Variants in ELMO1 observed in about 807,000 individuals in gnomAD.
The protein encoded by ELMO1 is engulfment and cell motility protein 1.
A neutral mutation model predicts 98.9 loss-of-function variants in ELMO1; 26 were observed. The observed-to-expected ratio is 0.26, with a 90% CI of 0.19 to 0.36. The LOEUF (loss-of-function observed/expected upper bound fraction) is 0.36, where lower values mean the gene tolerates loss of function less well. ELMO1 is among the 10% of genes least tolerant of loss of function. ELMO1 has a pLI of 1.00. For synonymous variants in ELMO1, 346 were observed against 346.0 expected (o/e 1.00, Z 0.00); for missense variants, 627 against 935.2 (o/e 0.67, Z 4.30).
intron 14 of ELMO1, among the ~76,000 whole-genome samples, chr7:37,107,112 C>T (rs560254932): frequency 2.8e-4 from 42 of 152,244 alleles, no homozygotes; most frequent in African/African-American, 1.0e-3. Context: ...TATTTTTAAG[C>T]AATTATTGCT....
At chr7:37,004,087 C>T (rs778237964) in intron 16 of ELMO1, among the ~76,000 whole-genome samples, 1 of 152,052 alleles carries the variant, frequency 6.6e-6, no homozygotes, top group Non-Finnish European at 1.5e-5. Flanking sequence ...ATCAATGAGG[C>T]CTTGTATTTC....
chr7:37,030,418 C>T (rs899876412), intron 15 of ELMO1, among the ~76,000 whole-genome samples: 1 of 148,696 alleles, frequency 6.7e-6, no homozygotes, highest in Non-Finnish European at 1.5e-5. Context: ...CTTGCCAATT[C>T]TCTAAAACAA....
Position 36,855,877 on chromosome 7 carries a change from T to C in ELMO1, c.1984-126A>G, listed in dbSNP as rs1382192257. ...TGCGCTAAGGGCTCTGCCTACTTCG[T>C]CATTTCATATTTGGCGACATCTCAA... On this transcript the variant is annotated intron_variant, in intron 21 of 21. Transcript: ENST00000310758. This position sits in a 1 kb window ranked among gnomAD's most constrained non-coding sequence, Gnocchi z 4.2. 1 of 1,067,598 alleles carries C rather than the reference T, an allele frequency of 9.4e-7. No individual in the cohort carries two copies. Among genetic ancestry groups the C allele is most frequent in the Non-Finnish European group, 1.4e-6 (1 of 730,104 alleles). The allele number at this position is 1,067,598 out of a possible 1,614,324, so 66.1% of individuals were successfully genotyped here.
chr7:37,418,491 C>G (rs993917331), intron 1 of ELMO1, among the ~76,000 whole-genome samples: 1 of 152,130 alleles, frequency 6.6e-6, no homozygotes, highest in Non-Finnish European at 1.5e-5. Context: ...AGGTAAGGCC[C>G]GTAGGGAGAT....
At chr7:36,936,681 T>A (rs1584400788) in intron 16 of ELMO1, among the ~76,000 whole-genome samples, 1 of 152,280 alleles carries the variant, frequency 6.6e-6, no homozygotes, top group Non-Finnish European at 1.5e-5. Context: ...CTCAAACTCC[T>A]GGCCTCAAGC....
intron 4 of ELMO1, among the ~76,000 whole-genome samples, chr7:37,278,769 G>A (rs1796986537): frequency 6.6e-6 from 1 of 152,194 alleles, no homozygotes; most frequent in African/African-American, 2.4e-5. Context: ...CTGACAAAGT[G>A]TTTCATGCTG....
intron 20 of ELMO1, among the ~76,000 whole-genome samples, chr7:36,868,013 T>G (rs1307601707): frequency 6.6e-6 from 1 of 152,212 alleles, no homozygotes; most frequent in Non-Finnish European, 1.5e-5. Flanking sequence ...TAATGTCAAT[T>G]AGATCAAGCT....
chr7:37,018,347 A>T (rs1794070707), intron 15 of ELMO1, among the ~76,000 whole-genome samples: 2 of 151,986 alleles, frequency 1.3e-5, no homozygotes, highest in African/African-American at 4.8e-5. Flanking sequence ...GCTGGTCTTG[A>T]ACTCCTGACC....
intron 13 of ELMO1, among the ~76,000 whole-genome samples, chr7:37,163,231 A>G (rs1456329858): frequency 6.6e-6 from 1 of 152,132 alleles, no homozygotes; most frequent in Non-Finnish European, 1.5e-5. Context: ...CAAATGTTTG[A>G]GTTATTATGG....
intron 13 of ELMO1, among the ~76,000 whole-genome samples, chr7:37,138,885 T>C (rs577708616): frequency 6.6e-6 from 1 of 152,310 alleles, no homozygotes; most frequent in African/African-American, 2.4e-5. Flanking sequence ...CATGATCAAG[T>C]GGGTTTCATA....
chr7:36,882,752 G>A (rs1249256157), intron 18 of ELMO1, among the ~76,000 whole-genome samples: 1 of 152,174 alleles, frequency 6.6e-6, no homozygotes, highest in Non-Finnish European at 1.5e-5. Context: ...CACACATAAA[G>A]TATGGATCCT....
At chr7:37,205,350 A>G (rs977370405) in intron 13 of ELMO1, among the ~76,000 whole-genome samples, 9 of 152,338 alleles carry the variant, frequency 5.9e-5, no homozygotes, top group South Asian at 2.1e-4. Flanking sequence ...CAGTGAATAT[A>G]TAACCTTCTT....
At chr7:37,340,084 T>A (rs1800635385) in intron 2 of ELMO1, among the ~76,000 whole-genome samples, 1 of 152,192 alleles carries the variant, frequency 6.6e-6, no homozygotes, top group South Asian at 2.1e-4. Flanking sequence ...ACATAGTACA[T>A]GATCCTGGAC....
chr7:37,081,758 G>A (rs1562988412), intron 15 of ELMO1, among the ~76,000 whole-genome samples: 1 of 152,162 alleles, frequency 6.6e-6, no homozygotes, highest in Admixed American at 6.5e-5. Flanking sequence ...CCCAGTCACA[G>A]GTATCAGCAG....
chr7:37,127,147 T>C (rs1420074807), intron 14 of ELMO1, among the ~76,000 whole-genome samples: 1 of 152,170 alleles, frequency 6.6e-6, no homozygotes, highest in Non-Finnish European at 1.5e-5. Flanking sequence ...ACTCTGAAAC[T>C]AAAGACTATC....
chr7:36,892,530 G>C (rs745823198), intron 17 of ELMO1, among the ~76,000 whole-genome samples: 1 of 152,156 alleles, frequency 6.6e-6, no homozygotes, highest in African/African-American at 2.4e-5. Context: ...TGGCATGTAG[G>C]AGTTGTTCAG....
At chr7:37,297,166 G>C (rs1046744585) in intron 4 of ELMO1, among the ~76,000 whole-genome samples, 1 of 152,124 alleles carries the variant, frequency 6.6e-6, no homozygotes. Flanking sequence ...TAATAATAAA[G>C]CTTGCCTTCA....
chr7:37,204,024 G>C (rs1020822941), intron 13 of ELMO1: 30 of 446,786 alleles, frequency 6.7e-5, no homozygotes, highest in African/African-American at 5.0e-4. Context: ...CTTTTAACTG[G>C]CCAACAGGTG....
chr7:36,934,816 A>G (rs1274642276), intron 16 of ELMO1, among the ~76,000 whole-genome samples: 3 of 152,224 alleles, frequency 2.0e-5, no homozygotes, highest in African/African-American at 4.8e-5. Context: ...GCACAGAAGG[A>G]GTTCAACTCC....
Sources: allele counts gnomAD v4.1 joint callset (sites outside exome capture counted in the v4.1 genomes callset), GRCh38; gene constraint gnomAD v4.1.1; non-coding constraint Gnocchi (gnomAD v3.1); transcripts MANE v1.5; gene names NCBI Gene and HGNC (gene_info 2026-07-23, HGNC 2026-07-21).